Variants in SGCZ observed in about 807,000 individuals in gnomAD.
The protein encoded by SGCZ is sarcoglycan zeta, also known as zeta-sarcoglycan.
In SGCZ, 40 loss-of-function variants were observed where a neutral mutation model predicts 41.3. That is an observed-to-expected ratio of 0.97 (90% confidence interval 0.75 to 1.26). The LOEUF (loss-of-function observed/expected upper bound fraction) is 1.26. Ranked by LOEUF, SGCZ falls within the 50% of genes most tolerant of loss-of-function variation. The pLI is 0.00. For missense variants in SGCZ, 552 were observed against 369.8 expected, an observed-to-expected ratio of 1.49 and a Z score of -4.04; for synonymous variants, 206 against 137.5, an observed-to-expected ratio of 1.50 and a Z score of -3.49.
rs532688944 is a variant in SGCZ, at chr8:14,500,092, G to A, written c.234+54640C>T. Among the ~76,000 whole-genome samples, 15 of 152,190 alleles carry A rather than the reference G, an allele frequency of 9.9e-5. 1 individual carries two copies. The South Asian group carries it at 3.1e-3, about 32-fold the overall frequency. On this transcript the variant is annotated intron_variant, in intron 2 of 7. Transcript: ENST00000382080. ...AGGGTACTTGAAAACACGGAGAGGG[G>A]AATTCGCTAATTGGTAACTCACAAT...
At chr8:14,867,979 T>C (rs1445555577) in intron 1 of SGCZ, among the ~76,000 whole-genome samples, 1 of 151,858 alleles carries the variant, frequency 6.6e-6, no homozygotes, top group East Asian at 1.9e-4. Flanking sequence ...AAACATTCTA[T>C]ATAACATGCA....
intron 2 of SGCZ, among the ~76,000 whole-genome samples, chr8:14,384,609 G>A (rs1356314890): frequency 6.6e-6 from 1 of 152,018 alleles, no homozygotes; most frequent in Non-Finnish European, 1.5e-5. Context: ...GCCCAGGCTG[G>A]AGTGCAATGG....
chr8:14,550,082 A>T (rs1205539395), intron 2 of SGCZ, among the ~76,000 whole-genome samples: 1 of 152,058 alleles, frequency 6.6e-6, no homozygotes, highest in Non-Finnish European at 1.5e-5. Flanking sequence ...GTAATGACCA[A>T]CACCGACATA....
chr8:15,079,425 C>A (rs1412429677), intron 1 of SGCZ, among the ~76,000 whole-genome samples: 1 of 152,088 alleles, frequency 6.6e-6, no homozygotes, highest in Non-Finnish European at 1.5e-5. Context: ...TCTTTTGGGT[C>A]CTGACTATTG....
intron 2 of SGCZ, among the ~76,000 whole-genome samples, chr8:14,445,768 C>T (rs910596745): frequency 2.6e-5 from 4 of 152,160 alleles, no homozygotes; most frequent in Admixed American, 2.0e-4. Flanking sequence ...GTCAACTGAG[C>T]TGTTAGTCTG....
chr8:14,248,830 T>A (rs528701145), intron 3 of SGCZ, among the ~76,000 whole-genome samples: 2 of 152,222 alleles, frequency 1.3e-5, no homozygotes, highest in South Asian at 2.1e-4. Flanking sequence ...ACATATTTAG[T>A]TGACTTTATG....
At chr8:14,886,185 C>T (rs41430244) in intron 1 of SGCZ, among the ~76,000 whole-genome samples, 3,355 of 151,362 alleles carry the variant, frequency 0.022, 74 homozygotes, top group African/African-American at 0.064. Flanking sequence ...TTGTTTATAA[C>T]TTTTCACAAC....
chr8:14,576,595 C>G (rs1222338015), intron 1 of SGCZ, among the ~76,000 whole-genome samples: 2 of 152,156 alleles, frequency 1.3e-5, no homozygotes, highest in Non-Finnish European at 1.5e-5. Flanking sequence ...TTTTAGCAGT[C>G]AGTCTCTTGA....
intron 1 of SGCZ, among the ~76,000 whole-genome samples, chr8:14,931,234 T>TA (rs941670956): frequency 8.6e-5 from 13 of 151,852 alleles, no homozygotes; most frequent in African/African-American, 1.9e-4. Flanking sequence ...AACTAAGGGG[T>TA]AAAAAAAATC....
intron 2 of SGCZ, among the ~76,000 whole-genome samples, chr8:14,416,635 A>G (rs963770636): frequency 2.0e-5 from 3 of 151,890 alleles, no homozygotes; most frequent in Non-Finnish European, 4.4e-5. Flanking sequence ...TTAAATGGAT[A>G]TTAACCATCT....
At chr8:14,636,139 T>C (rs900009227) in intron 1 of SGCZ, among the ~76,000 whole-genome samples, 3 of 151,824 alleles carry the variant, frequency 2.0e-5, no homozygotes, top group Admixed American at 6.6e-5. Flanking sequence ...CTGCAGTAAG[T>C]TCAGTGTGGG....
At chr8:15,176,941 C>T (rs570510056) in intron 1 of SGCZ, among the ~76,000 whole-genome samples, 14 of 152,206 alleles carry the variant, frequency 9.2e-5, no homozygotes, top group African/African-American at 3.1e-4. Context: ...GCAGAGCTTG[C>T]AGTGAGTAGA....
At chr8:14,701,913 A>C (rs1386583812) in intron 1 of SGCZ, among the ~76,000 whole-genome samples, 2 of 151,940 alleles carry the variant, frequency 1.3e-5, no homozygotes, top group Non-Finnish European at 2.9e-5. Context: ...CCATGTTTAA[A>C]ACGAACAAAC....
intron 1 of SGCZ, among the ~76,000 whole-genome samples, chr8:15,032,000 G>T (rs955144004): frequency 1.4e-5 from 2 of 145,456 alleles, no homozygotes; most frequent in South Asian, 2.3e-4. Flanking sequence ...ACCAAATGTC[G>T]GACAGAAAAA....
intron 1 of SGCZ, among the ~76,000 whole-genome samples, chr8:15,069,164 A>C (rs1248976907): frequency 1.3e-5 from 2 of 152,124 alleles, no homozygotes; most frequent in African/African-American, 4.8e-5. Flanking sequence ...ATTTATGACA[A>C]TACAGAGGTT....
intron 1 of SGCZ, among the ~76,000 whole-genome samples, chr8:14,773,889 A>G (rs1370244166): frequency 3.9e-5 from 6 of 152,220 alleles, no homozygotes; most frequent in Non-Finnish European, 8.8e-5. Context: ...AGTAGGATTT[A>G]ATATAATGTT....
intron 2 of SGCZ, among the ~76,000 whole-genome samples, chr8:14,328,355 T>G (rs1802196341): frequency 6.6e-6 from 1 of 152,154 alleles, no homozygotes; most frequent in Admixed American, 6.5e-5. Flanking sequence ...TACCAGAAGG[T>G]AACAGACTCT....
At chr8:14,127,317 A>G (rs1802891706) in intron 5 of SGCZ, among the ~76,000 whole-genome samples, 1 of 152,210 alleles carries the variant, frequency 6.6e-6, no homozygotes, top group South Asian at 2.1e-4. Context: ...ATAATAATAC[A>G]CATCCCCTAA....
chr8:14,612,513 G>T (rs773250733), intron 1 of SGCZ, among the ~76,000 whole-genome samples: 11 of 152,042 alleles, frequency 7.2e-5, no homozygotes, highest in Non-Finnish European at 1.6e-4. Flanking sequence ...CTGTGAGAAT[G>T]GACTAATACA....
Sources: gnomAD v4.1 joint callset for allele counts (sites outside exome capture counted in the v4.1 genomes callset) on GRCh38, gnomAD v4.1.1 for gene constraint, MANE v1.5 for transcripts, NCBI Gene and HGNC (gene_info 2026-07-23, HGNC 2026-07-21) for gene names.